The following TOP6BL variants were observed in gnomAD, a reference collection of about 807,000 sequenced individuals.
The protein encoded by TOP6BL is type 2 DNA topoisomerase 6 subunit B-like.
chr11:66,810,309 C>T, the TOP6BL span, among the ~76,000 whole-genome samples: 5 of 152,012 alleles, frequency 3.3e-5, no homozygotes, highest in African/African-American at 9.7e-5. Flanking sequence ...TGAATCTACC[C>T]AAAAAAGGAA....
the TOP6BL span, chr11:66,843,418 G>T: frequency 2.8e-6 from 4 of 1,404,392 alleles, no homozygotes; most frequent in South Asian, 1.6e-5. Context: ...CACCTCCCTG[G>T]GACTGCGTCA....
the TOP6BL span, chr11:66,813,816 ACATAGT>A: frequency 1.3e-6 from 2 of 1,537,098 alleles, no homozygotes; most frequent in South Asian, 2.2e-5. Flanking sequence ...ACAAGTGAAT[ACATAGT>A]CATAAGATAC....
At chr11:66,827,255 G>A in the TOP6BL span, among the ~76,000 whole-genome samples, 1 of 151,528 alleles carries the variant, frequency 6.6e-6, no homozygotes, top group Non-Finnish European at 1.5e-5. Flanking sequence ...TCTCCATGTT[G>A]GTCAGGCTGG....
At chr11:66,837,606 AG>A in the TOP6BL span, among the ~76,000 whole-genome samples, 2 of 151,466 alleles carry the variant, frequency 1.3e-5, no homozygotes, top group Non-Finnish European at 2.9e-5. Flanking sequence ...CACCACAGCC[AG>A]CTAATTTTTG....
the TOP6BL span, among the ~76,000 whole-genome samples, chr11:66,829,535 A>G: frequency 6.6e-6 from 1 of 151,566 alleles, no homozygotes; most frequent in Non-Finnish European, 1.5e-5. Context: ...AGATCACACC[A>G]CTGTACTCCA....
the TOP6BL span, among the ~76,000 whole-genome samples, chr11:66,747,509 C>T: frequency 1.1e-4 from 16 of 151,610 alleles, no homozygotes; most frequent in South Asian, 2.1e-4. Flanking sequence ...CTGCGCTCAG[C>T]GTTGCACGTA....
chr11:66,745,253 C>T, the TOP6BL span, among the ~76,000 whole-genome samples: 1 of 84,318 alleles, frequency 1.2e-5, no homozygotes, highest in African/African-American at 4.5e-5. Context: ...GCACCGGGTG[C>T]TGGGAGGGGG....
chr11:66,839,953 G>C, the TOP6BL span, among the ~76,000 whole-genome samples: 24 of 152,140 alleles, frequency 1.6e-4, no homozygotes, highest in Admixed American at 1.6e-3. Flanking sequence ...AGGTGAGGCA[G>C]AACGCTTAGC....
chr11:66,745,789 T>G, the TOP6BL span, among the ~76,000 whole-genome samples: 1 of 125,190 alleles, frequency 8.0e-6, no homozygotes, highest in Non-Finnish European at 1.8e-5. Flanking sequence ...GAGAATATCT[T>G]TAGGGTTTGT....
At chr11:66,746,485 C>A in the TOP6BL span, among the ~76,000 whole-genome samples, 1 of 152,092 alleles carries the variant, frequency 6.6e-6, no homozygotes, top group African/African-American at 2.4e-5. Context: ...GAGGCCGAGG[C>A]AGGCGGATCA....
chr11:66,813,719 C>A, the TOP6BL span: 1 of 677,346 alleles, frequency 1.5e-6, no homozygotes. Flanking sequence ...GGCGACAGAG[C>A]GAGACTCCAT....
chr11:66,824,420 TTTATTATTATTATTATTA>T, the TOP6BL span, among the ~76,000 whole-genome samples: 20 of 140,760 alleles, frequency 1.4e-4, no homozygotes, highest in Admixed American at 2.9e-4. Flanking sequence ...TAATTTTGTA[TTTATTATTATTATTATTA>T]TTATTATTAT....
the TOP6BL span, chr11:66,842,761 C>T: frequency 7.6e-7 from 1 of 1,307,462 alleles, no homozygotes; most frequent in Admixed American, 2.7e-5. Context: ...AGCCCCTCGG[C>T]GCCCGTTCTC....
chr11:66,822,421 T>G, the TOP6BL span: 1 of 615,830 alleles, frequency 1.6e-6, no homozygotes, highest in African/African-American at 1.9e-5. Flanking sequence ...TGTAAAAATA[T>G]GTGAGGATCT....
chr11:66,745,793 G>GGTTTGTTT, the TOP6BL span, among the ~76,000 whole-genome samples: 1,190 of 151,326 alleles, frequency 7.9e-3, 6 homozygotes, highest in East Asian at 0.04. Context: ...ATATCTTTAG[G>GGTTTGTTT]GTTTGTTTGT....
the TOP6BL span, chr11:66,800,914 T>G: frequency 2.6e-6 from 3 of 1,135,058 alleles, no homozygotes; most frequent in African/African-American, 1.5e-5. Flanking sequence ...CTTGGTTAAT[T>G]AGTTACTGAA....
chr11:66,763,452 T>TA, the TOP6BL span, among the ~76,000 whole-genome samples: 6 of 152,196 alleles, frequency 3.9e-5, no homozygotes, highest in Admixed American at 2.0e-4. Flanking sequence ...GGAAAAGTAA[T>TA]AAAAAATGAG....
chr11:66,757,744 G>A, the TOP6BL span, among the ~76,000 whole-genome samples: 3 of 152,088 alleles, frequency 2.0e-5, no homozygotes, highest in Non-Finnish European at 2.9e-5. Context: ...CTGCCACCAC[G>A]CTCAGCTAAT....
At chr11:66,762,335 G>C in the TOP6BL span, 1 of 395,314 alleles carries the variant, frequency 2.5e-6, no homozygotes, top group Non-Finnish European at 4.6e-6. Flanking sequence ...GCGGGCCCCG[G>C]GGGTGTGGAA....
Sources: allele counts gnomAD v4.1 joint callset (sites outside exome capture counted in the v4.1 genomes callset), GRCh38; gene constraint gnomAD v4.1.1; transcripts MANE v1.5; gene names NCBI Gene and HGNC (gene_info 2026-07-23, HGNC 2026-07-21).